The following SYNE2 variants were observed in gnomAD, a reference collection of about 807,000 sequenced individuals.
SYNE2 encodes nesprin-2.
SYNE2 carries 431 observed loss-of-function variants against 856.3 expected under a neutral mutation model. The ratio of observed to expected loss-of-function variants is 0.50; its 90% CI spans 0.47 to 0.55. The LOEUF is 0.55. Among genes scored for constraint, SYNE2 ranks in the 20% least tolerant of loss-of-function variants. The pLI is 0.00. For missense variants in SYNE2, 8,129 were observed against 8,023.2 expected (o/e 1.01, Z -0.50); for synonymous variants, 2,923 against 2,872.3 (o/e 1.02, Z -0.56).
In SYNE2 at chr14:64,224,855, C is replaced by T. The variant is rs1222504370; in HGVS notation, c.20470-144C>T. On this transcript the variant is annotated intron_variant, in intron 114 of 115. Transcript: ENST00000555002. ...TCCTACTTCAGGTGACGTTTAATCTCAATTGTATTACTCTAGTCTCCAAAG... is the reference window on the plus strand; with the variant it reads ...TCCTACTTCAGGTGACGTTTAATCTTAATTGTATTACTCTAGTCTCCAAAG... The T allele has an allele frequency of 3.8e-6, 3 of 795,402 alleles. No individual in the cohort carries two copies. In the African/African-American group the frequency reaches 5.2e-5, roughly 14 times the overall value. The allele number at this position is 795,402 out of a possible 1,614,324, so 49.3% of individuals were successfully genotyped here.
intron 65 of SYNE2, chr14:64,112,925 G>C: frequency 7.1e-6 from 6 of 847,294 alleles, no homozygotes; most frequent in Non-Finnish European, 8.5e-6. Flanking sequence ...GTTCTGTTTT[G>C]TTTTGTTTTT....
intron 2 of SYNE2, among the ~76,000 whole-genome samples, chr14:63,925,741 C>T (rs1419651812): frequency 6.6e-6 from 1 of 152,198 alleles, no homozygotes; most frequent in Non-Finnish European, 1.5e-5. Flanking sequence ...TTTTTAGCTT[C>T]CACAGATAAG....
rs776811933 is a variant in SYNE2 at position 64,125,217 on chromosome 14, G to C, written c.13554+7G>C. The C allele has an allele frequency of 6.2e-7, 1 of 1,613,924 alleles. No individual in the cohort carries two copies. Among genetic ancestry groups the C allele is most frequent in the African/African-American group, 1.3e-5 (1 of 74,926 alleles). On this transcript the variant is annotated splice_region_variant and intron_variant, in intron 71 of 115. Transcript: ENST00000555002. ...AAGTAACCTTCAGACACAGGTAGAA[G>C]CTGCACACAATGTGTTTTCCTCATT...
Position 64,051,598 on chromosome 14 carries a change from A to G in SYNE2, c.7685A>G (p.Lys2562Arg). 6.2e-7 allele frequency: 1 copy of G among 1,613,666 alleles called. No homozygotes were observed. Among genetic ancestry groups the G allele is most frequent in the Non-Finnish European group, 8.5e-7 (1 of 1,179,890 alleles). Reference sequence around the variant, plus strand: ...GTAACGTATCTGGACAAAATTAAAAAATTCATAGCATCCATAGAAAAAGAG... The same window carrying G: ...GTAACGTATCTGGACAAAATTAAAAGATTCATAGCATCCATAGAAAAAGAG... Reference protein sequence around the residue: ...DSVTYLDKIKKFIASIEKEKD... With the variant: ...DSVTYLDKIKRFIASIEKEKD... Residue 2562 changes from lysine (K) to arginine (R), a missense_variant, in exon 48 of 116, where the codon AAA (lysine) becomes AGA (arginine). Physicochemically the swap from Lys to Arg is conservative, Grantham distance 26. This residue lies in a region of SYNE2 where 5,410 missense variants were observed against 5,284.8 expected (regional missense o/e 1.02). Transcript: ENST00000555002.
chr14:64,220,946 A>G (rs2098691463), intron 111 of SYNE2, among the ~76,000 whole-genome samples: 1 of 152,158 alleles, frequency 6.6e-6, no homozygotes, highest in Admixed American at 6.5e-5. Context: ...AGAGTGATTA[A>G]GAGACCTGGC....
intron 56 of SYNE2, 70 bp from the exon 57 acceptor site, chr14:64,081,373 C>T (rs2097522571): frequency 6.2e-7 from 1 of 1,602,168 alleles, no homozygotes; most frequent in Non-Finnish European, 8.5e-7. Flanking sequence ...GCTATTGACT[C>T]TTCATCTAGG....
intron 43 of SYNE2, among the ~76,000 whole-genome samples, chr14:64,028,537 G>A (rs901875405): frequency 6.6e-6 from 1 of 152,030 alleles, no homozygotes; most frequent in Non-Finnish European, 1.5e-5. Flanking sequence ...TGACCTGCGC[G>A]AGCCACTGCA....
chr14:64,146,141 T>C lies in SYNE2; in HGVS notation c.15557T>C (p.Leu5186Pro), dbSNP rs747683802. ...AAAATACAGATCTTGAACAACTGGCTGGAAGCACAAGAAGAGAGACTGAAA... is the reference window on the plus strand; with the variant it reads ...AAAATACAGATCTTGAACAACTGGCCGGAAGCACAAGAAGAGAGACTGAAA... ...ENKIQILNNWLEAQEERLKTL... is the reference protein window; with the variant it reads ...ENKIQILNNWPEAQEERLKTL... The change falls in exon 84 of 116, where the codon CTG becomes CCG. Residue 5186 changes from leucine to proline, a missense_variant. Physicochemically the swap from Leu to Pro is moderately conservative, Grantham distance 98 (BLOSUM62 -3). Transcript: ENST00000555002. 1.4e-5 allele frequency: 23 copies of C among 1,611,524 alleles called. No homozygotes were observed. In the African/African-American group the frequency reaches 2.8e-4, roughly 20 times the overall value.
rs757090585 is a variant in SYNE2 at position 64,002,739 on chromosome 14, C to T, written c.3806C>T (p.Ala1269Val). Residue 1269 changes from alanine to valine, a missense_variant, in exon 30 of 116, where the codon GCA becomes GTA. Coordinates refer to ENST00000555002, the MANE Select transcript of SYNE2 (RefSeq NM_182914.3). ...TTTTAGAATATCCAAGATTCCATAGCAAAACAGATTGAAATATGTAACCGC... is the reference window on the plus strand; with the variant it reads ...TTTTAGAATATCCAAGATTCCATAGTAAAACAGATTGAAATATGTAACCGC... ...QHLRNIQDSI[A>V]KQIEICNRLE... 5 of 1,612,610 alleles carry T rather than the reference C, an allele frequency of 3.1e-6. No homozygotes were observed. The highest frequency in any genetic ancestry group is 1.3e-5 in the African/African-American group (1 of 74,790).
At chr14:63,906,600 AGTT>A (rs1051426766) in intron 1 of SYNE2, among the ~76,000 whole-genome samples, 7 of 152,178 alleles carry the variant, frequency 4.6e-5, no homozygotes, top group Admixed American at 2.0e-4. Context: ...GTGTGCATAG[AGTT>A]GTTGTAGTGG....
intron 76 of SYNE2, among the ~76,000 whole-genome samples, chr14:64,131,901 A>G (rs1483357359): frequency 2.0e-5 from 3 of 151,230 alleles, no homozygotes; most frequent in African/African-American, 7.4e-5. Context: ...TTGAAGTTCC[A>G]CTAGTGTTCA....
At chr14:64,202,705 C>T in intron 99 of SYNE2, 96 bp from the exon 100 acceptor site, 1 of 1,530,098 alleles carries the variant, frequency 6.5e-7, no homozygotes, top group Non-Finnish European at 9.0e-7. Context: ...CTGCAATGCT[C>T]TTACTGGCAC....
At chr14:64,223,123 C>T in intron 112 of SYNE2, 66 bp from the exon 113 acceptor site, 1 of 1,582,574 alleles carries the variant, frequency 6.3e-7, no homozygotes, top group Non-Finnish European at 8.7e-7. Context: ...CTGAGAAAAA[C>T]CTCCTGTGTC....
intron 1 of SYNE2, among the ~76,000 whole-genome samples, chr14:63,818,580 T>A (rs1889095626): frequency 6.6e-6 from 1 of 151,986 alleles, no homozygotes; most frequent in Admixed American, 6.6e-5. Context: ...ATTTTCTCAA[T>A]GTGATATAAA....
chr14:64,176,941 G>A (rs2153733021), intron 95 of SYNE2, among the ~76,000 whole-genome samples: 1 of 152,144 alleles, frequency 6.6e-6, no homozygotes, highest in East Asian at 1.9e-4. Flanking sequence ...GGGATTACAG[G>A]CACATACCAC....
intron 7 of SYNE2, among the ~76,000 whole-genome samples, chr14:63,950,969 A>G (rs554356639): frequency 6.6e-6 from 1 of 152,156 alleles, no homozygotes; most frequent in South Asian, 2.1e-4. Context: ...AGAATGCCCA[A>G]TTAAAAATTG....
chr14:64,136,796 G>A (rs2098095004), intron 78 of SYNE2, among the ~76,000 whole-genome samples: 1 of 152,142 alleles, frequency 6.6e-6, no homozygotes, highest in South Asian at 2.1e-4. Flanking sequence ...GGATAATAGA[G>A]AAATACTATT....
chr14:63,856,170 A>G (rs1280717881), intron 1 of SYNE2, among the ~76,000 whole-genome samples: 2 of 152,232 alleles, frequency 1.3e-5, no homozygotes, highest in Non-Finnish European at 2.9e-5. Flanking sequence ...GGGTAGGACT[A>G]AATGACAGGG....
chr14:64,164,156 C>CT (rs2098354751), intron 89 of SYNE2, among the ~76,000 whole-genome samples: 1 of 151,776 alleles, frequency 6.6e-6, no homozygotes. Flanking sequence ...GTCGCCCAGG[C>CT]TGGAGTACAG....
Sources: allele counts gnomAD v4.1 joint callset (sites outside exome capture counted in the v4.1 genomes callset), GRCh38; gene constraint gnomAD v4.1.1; regional missense constraint gnomAD v4.1.1; transcripts MANE v1.5; gene names NCBI Gene and HGNC (gene_info 2026-07-23, HGNC 2026-07-21).